Variants in TBC1D5 observed in about 807,000 individuals in gnomAD.
TBC1D5 encodes TBC1 domain family member 5, also known as TBC1 domain family, member 5.
Under a neutral mutation model 100.3 loss-of-function variants are expected in TBC1D5, and 75 were observed. That is an observed-to-expected ratio of 0.75 (90% CI 0.62 to 0.91). The LOEUF (loss-of-function observed/expected upper bound fraction) is 0.91, where lower values mean the gene tolerates loss of function less well. TBC1D5 is among the 40% of genes least tolerant of loss of function. The pLI is 0.00. For synonymous variants in TBC1D5, 323 were observed against 325.6 expected (o/e 0.99, Z 0.09); for missense variants, 910 against 942.4 (o/e 0.97, Z 0.45).
chr3:17,195,391 G>A (rs1016424938), intron 18 of TBC1D5, among the ~76,000 whole-genome samples: 2 of 152,226 alleles, frequency 1.3e-5, no homozygotes, highest in African/African-American at 4.8e-5. Context: ...CAGCCAGCCA[G>A]CACCAGGGCC....
chr3:17,312,396 T>C (rs17043358), intron 13 of TBC1D5, among the ~76,000 whole-genome samples: 1,828 of 152,298 alleles, frequency 0.012, 29 homozygotes, highest in African/African-American at 0.041. Context: ...AACTATTTGG[T>C]ATCTGAATGC....
At chr3:17,484,229 G>C (rs2095532567) in intron 3 of TBC1D5, among the ~76,000 whole-genome samples, 1 of 152,116 alleles carries the variant, frequency 6.6e-6, no homozygotes, top group African/African-American at 2.4e-5. Flanking sequence ...TTTTCGATAT[G>C]AAACCTGTCA....
intron 1 of TBC1D5, among the ~76,000 whole-genome samples, chr3:17,729,858 C>T (rs1264686055): frequency 6.6e-6 from 1 of 152,190 alleles, no homozygotes; most frequent in East Asian, 1.9e-4. Context: ...CCTGTAATCC[C>T]AGCACTTTGG....
chr3:17,410,525 G>C (rs926093057), intron 4 of TBC1D5, among the ~76,000 whole-genome samples: 2 of 152,028 alleles, frequency 1.3e-5, no homozygotes. Flanking sequence ...GACAGATCTG[G>C]GCAAAGTGAA....
intron 15 of TBC1D5, among the ~76,000 whole-genome samples, chr3:17,284,399 G>A (rs879834517): frequency 1.1e-4 from 17 of 152,158 alleles, no homozygotes; most frequent in Non-Finnish European, 1.9e-4. Flanking sequence ...TTACAGGCGT[G>A]AGCCACCACG....
At chr3:17,362,719 G>A (rs1048495224) in intron 13 of TBC1D5, among the ~76,000 whole-genome samples, 3 of 152,092 alleles carry the variant, frequency 2.0e-5, no homozygotes, top group Admixed American at 6.6e-5. Flanking sequence ...TGATCTGCCC[G>A]CCTCGGCCTG....
At chr3:17,347,494 T>TA (rs778296800) in intron 13 of TBC1D5, among the ~76,000 whole-genome samples, 121 of 152,108 alleles carry the variant, frequency 8.0e-4, no homozygotes, top group Non-Finnish European at 1.1e-3. Context: ...CAAATTAAAT[T>TA]AAAAAAAATT....
At chr3:17,161,918 C>T (rs1359368097) in intron 21 of TBC1D5, among the ~76,000 whole-genome samples, 1 of 152,252 alleles carries the variant, frequency 6.6e-6, no homozygotes. Context: ...ATGTGAAAAC[C>T]AAGAACGGCA....
At chr3:17,733,820 C>T (rs1342876079) in intron 1 of TBC1D5, among the ~76,000 whole-genome samples, 3 of 150,606 alleles carry the variant, frequency 2.0e-5, no homozygotes, top group Non-Finnish European at 3.0e-5. Flanking sequence ...CCTGGAAAAT[C>T]TAAGAGAATT....
At chr3:17,738,094 T>TGAA (rs2077103914) in intron 1 of TBC1D5, among the ~76,000 whole-genome samples, 2 of 152,232 alleles carry the variant, frequency 1.3e-5, no homozygotes, top group Non-Finnish European at 2.9e-5. Context: ...TGTTTTTTTC[T>TGAA]ACAGCCCTAC....
intron 1 of TBC1D5, among the ~76,000 whole-genome samples, chr3:17,664,686 C>T (rs886538299): frequency 1.3e-5 from 2 of 151,998 alleles, no homozygotes; most frequent in East Asian, 1.9e-4. Flanking sequence ...CAAAACAAAG[C>T]AAACACATTA....
chr3:17,449,937 G>A (rs1312393804), intron 3 of TBC1D5, among the ~76,000 whole-genome samples: 1 of 152,180 alleles, frequency 6.6e-6, no homozygotes, highest in Non-Finnish European at 1.5e-5. Flanking sequence ...TCCTGACTGG[G>A]AGACATCTCC....
intron 1 of TBC1D5, among the ~76,000 whole-genome samples, chr3:17,721,141 G>A (rs533286586): frequency 2.6e-5 from 4 of 151,940 alleles, no homozygotes; most frequent in African/African-American, 9.6e-5. Flanking sequence ...ACACCCCGCC[G>A]AGACTGTTTC....
intron 13 of TBC1D5, among the ~76,000 whole-genome samples, chr3:17,351,247 TA>T (rs1157298405): frequency 6.6e-6 from 1 of 152,164 alleles, no homozygotes; most frequent in African/African-American, 2.4e-5. Context: ...CCCAAAGGAT[TA>T]TAAATCATTC....
chr3:17,200,384 C>G (rs2071311022), intron 18 of TBC1D5, among the ~76,000 whole-genome samples: 1 of 152,228 alleles, frequency 6.6e-6, no homozygotes, highest in African/African-American at 2.4e-5. Flanking sequence ...GCATTACCAC[C>G]TGAGTCCCAC....
chr3:17,582,510 G>A (rs181991175), intron 2 of TBC1D5, among the ~76,000 whole-genome samples: 5 of 152,210 alleles, frequency 3.3e-5, no homozygotes, highest in Admixed American at 3.3e-4. Context: ...TAACTCAGTA[G>A]TATAGTGAAA....
At chr3:17,690,955 A>C (rs539093255) in intron 1 of TBC1D5, among the ~76,000 whole-genome samples, 7 of 151,996 alleles carry the variant, frequency 4.6e-5, no homozygotes, top group Non-Finnish European at 1.0e-4. Flanking sequence ...AAAACAGAGG[A>C]AAAAAAATCT....
chr3:17,591,233 CAAAAAAAAAAAAAAAAA>C (rs60889092), intron 2 of TBC1D5, among the ~76,000 whole-genome samples: 34 of 18,668 alleles, frequency 1.8e-3, no homozygotes, highest in East Asian at 0.01. Context: ...AAGGATCTGT[CAAAAAAAAAAAAAAAAA>C]AAAAAAAAAA....
At chr3:17,583,096 G>A (rs2096710108) in intron 2 of TBC1D5, among the ~76,000 whole-genome samples, 1 of 151,978 alleles carries the variant, frequency 6.6e-6, no homozygotes, top group Admixed American at 6.6e-5. Context: ...ACCAGCCTGG[G>A]CAACATGGCA....
Sources: gnomAD v4.1 joint callset for allele counts (sites outside exome capture counted in the v4.1 genomes callset) on GRCh38, gnomAD v4.1.1 for gene constraint, MANE v1.5 for transcripts, NCBI Gene and HGNC (gene_info 2026-07-23, HGNC 2026-07-21) for gene names.